The following METTL16 variants were observed in gnomAD, a reference collection of about 807,000 sequenced individuals.
METTL16 encodes the protein RNA N(6)-adenosine-methyltransferase METTL16.
METTL16 carries 19 observed loss-of-function variants against 57.9 expected under a neutral mutation model. The ratio of observed to expected loss-of-function variants is 0.33; its 90% CI spans 0.23 to 0.48. The LOEUF (loss-of-function observed/expected upper bound fraction) is 0.48. METTL16 is among the 20% of genes least tolerant of loss of function. The pLI is 0.99. For missense variants in METTL16, 434 were observed against 691.5 expected (o/e 0.63, Z 4.18); for synonymous variants, 246 against 255.6 (o/e 0.96, Z 0.36).
chr17:2,493,369 A>G (rs941829211), intron 2 of METTL16, among the ~76,000 whole-genome samples: 6 of 150,152 alleles, frequency 4.0e-5, no homozygotes, highest in East Asian at 4.1e-4. Flanking sequence ...AATTACAGGC[A>G]GCCACCACAC....
intron 7 of METTL16, among the ~76,000 whole-genome samples, chr17:2,438,514 T>A (rs56030330): frequency 0.27 from 41,260 of 152,040 alleles, 9,355 homozygotes; most frequent in African/African-American, 0.62. Context: ...TTGTTTTTTG[T>A]TTTTTTGAGA....
chr17:2,452,195 T>C (rs1384332432), intron 6 of METTL16, among the ~76,000 whole-genome samples: 1 of 139,042 alleles, frequency 7.2e-6, no homozygotes, highest in African/African-American at 2.7e-5. Flanking sequence ...GGAAAAGAAA[T>C]ATTTAGAAGA....
chr17:2,502,334 T>C lies in METTL16; in HGVS notation c.1-3A>G, dbSNP rs1221938661. On this transcript the variant is annotated splice_polypyrimidine_tract_variant and splice_region_variant and intron_variant, in intron 1 of 9. Transcript: ENST00000263092. ...TGCATTGATTTACTCAGAGCCATCT[T>C]AAGGAGAGAAAGAGAGAAAGAAAAT... is the stretch of plus-strand genomic sequence containing the variant. 6 of 1,611,392 alleles carry C rather than the reference T, an allele frequency of 3.7e-6. No homozygotes were observed. The highest frequency in any genetic ancestry group is 5.1e-6 in the Non-Finnish European group (6 of 1,179,190).
chr17:2,448,179 C>T (rs2067028753), intron 6 of METTL16, among the ~76,000 whole-genome samples: 6 of 150,148 alleles, frequency 4.0e-5, no homozygotes, highest in Admixed American at 1.3e-4. Flanking sequence ...GGCGCCTCTG[C>T]CCGGCCGCCC....
At position 2,438,244 on chromosome 17, in the gene METTL16, C is replaced by G. The variant is rs752898416; in HGVS notation, c.799-46G>C. ...ATCTCATCAAACTGCAATCATTCTA[C>G]CAATATGTTTCTGGCTGCTGCGTCA... On this transcript the variant is annotated intron_variant, in intron 7 of 9. Transcript: ENST00000263092. 7.2e-6 allele frequency: 10 copies of G among 1,394,564 alleles called. No individual in the cohort carries two copies. In the South Asian group the frequency reaches 1.2e-4, roughly 16 times the overall value. The allele number at this position is 1,394,564 out of a possible 1,614,324, so 86.4% of individuals were successfully genotyped here.
At chr17:2,489,557 GA>G (rs993328926) in intron 2 of METTL16, among the ~76,000 whole-genome samples, 1 of 151,626 alleles carries the variant, frequency 6.6e-6, no homozygotes, top group African/African-American at 2.4e-5. Flanking sequence ...TAGAGACGGT[GA>G]AATCCCGTCT....
chr17:2,426,667 T>C (rs1302521232), intron 8 of METTL16, among the ~76,000 whole-genome samples: 1 of 137,970 alleles, frequency 7.2e-6, no homozygotes, highest in Non-Finnish European at 1.5e-5. Flanking sequence ...AGTCGGAGGT[T>C]GCAGTGAGCC....
intron 1 of METTL16, among the ~76,000 whole-genome samples, chr17:2,508,199 A>T (rs993552897): frequency 6.6e-6 from 1 of 152,148 alleles, no homozygotes; most frequent in South Asian, 2.1e-4. Flanking sequence ...AATCTTTGTT[A>T]GAGACATAAT....
chr17:2,428,766 C>T (rs1271903745), intron 8 of METTL16, among the ~76,000 whole-genome samples: 3 of 151,064 alleles, frequency 2.0e-5, no homozygotes, highest in African/African-American at 7.3e-5. Flanking sequence ...TAATCCATGA[C>T]TTCATAAGAT....
At position 2,441,483 on chromosome 17, in the gene METTL16, G is replaced by A; in HGVS notation, c.798+7C>T. On this transcript the variant is annotated splice_region_variant and intron_variant, in intron 7 of 9. Transcript: ENST00000263092. The stretch of plus-strand genomic sequence containing the variant: ...GCTACACGAGAACAGTAATGAGGAA[G>A]CCTCACCCCTTGTATGCGAAGCTCC... The A allele has an allele frequency of 6.3e-7, 1 of 1,586,708 alleles. No individual in the cohort carries two copies. Among genetic ancestry groups the A allele is most frequent in the Non-Finnish European group, 8.6e-7 (1 of 1,164,384 alleles).
intron 2 of METTL16, among the ~76,000 whole-genome samples, chr17:2,482,681 C>T (rs1004517610): frequency 5.3e-5 from 8 of 152,112 alleles, no homozygotes; most frequent in Admixed American, 2.6e-4. Flanking sequence ...CCGAGGTGGG[C>T]GGACTGCTTG....
chr17:2,432,111 T>A (rs1404031039), intron 8 of METTL16, among the ~76,000 whole-genome samples: 1 of 152,074 alleles, frequency 6.6e-6, no homozygotes, highest in East Asian at 1.9e-4. Context: ...TGTCCAGCTA[T>A]TTTTTTGTAT....
At chr17:2,428,372 A>C (rs989978620) in intron 8 of METTL16, among the ~76,000 whole-genome samples, 1 of 151,230 alleles carries the variant, frequency 6.6e-6, no homozygotes, top group African/African-American at 2.4e-5. Context: ...AAGTTGAATA[A>C]ATTCTCCATG....
chr17:2,425,660 G>A (rs543993683), intron 8 of METTL16, among the ~76,000 whole-genome samples: 6 of 151,708 alleles, frequency 4.0e-5, no homozygotes, highest in South Asian at 2.1e-4. Flanking sequence ...AATATGCTAC[G>A]TAGCAGGGTG....
intron 6 of METTL16, among the ~76,000 whole-genome samples, chr17:2,447,726 G>GGCCAGCCGCCCA (rs2067017660): frequency 7.1e-6 from 1 of 141,668 alleles, no homozygotes; most frequent in Non-Finnish European, 1.5e-5. Context: ...CCCCCCGCCC[G>GGCCAGCCGCCCA]GCCAGCCGCC....
At chr17:2,455,601 C>T (rs1455091676) in intron 6 of METTL16, among the ~76,000 whole-genome samples, 2 of 152,142 alleles carry the variant, frequency 1.3e-5, no homozygotes, top group African/African-American at 2.4e-5. Context: ...ATCAACAAGG[C>T]TGCCATATCA....
intron 6 of METTL16, among the ~76,000 whole-genome samples, chr17:2,458,299 T>C (rs1227640108): frequency 1.3e-5 from 2 of 152,068 alleles, no homozygotes; most frequent in Non-Finnish European, 2.9e-5. Flanking sequence ...AGATCTCTGG[T>C]TCCTAAGAAA....
chr17:2,501,924 C>T (rs1352605022), intron 2 of METTL16, among the ~76,000 whole-genome samples: 1 of 151,502 alleles, frequency 6.6e-6, no homozygotes, highest in Non-Finnish European at 1.5e-5. Flanking sequence ...AGAGCACAAT[C>T]GTAAATCTCT....
At chr17:2,431,216 G>A (rs1168351054) in intron 8 of METTL16, among the ~76,000 whole-genome samples, 1 of 151,414 alleles carries the variant, frequency 6.6e-6, no homozygotes, top group Non-Finnish European at 1.5e-5. Context: ...CAAAATGCTA[G>A]GATTACATGT....
Sources: allele counts gnomAD v4.1 joint callset (sites outside exome capture counted in the v4.1 genomes callset), GRCh38; gene constraint gnomAD v4.1.1; transcripts MANE v1.5; gene names NCBI Gene and HGNC (gene_info 2026-07-23, HGNC 2026-07-21).